LRRC4C: variants seen among roughly 807,000 people sequenced by gnomAD.
The protein encoded by LRRC4C is leucine-rich repeat-containing protein 4C.
Under a neutral mutation model 33.6 loss-of-function variants are expected in LRRC4C, and 5 were observed. The observed-to-expected ratio is 0.15, with a 90% CI of 0.08 to 0.31. The LOEUF is 0.31. Among genes scored for constraint, LRRC4C ranks in the 10% least tolerant of loss-of-function variants. The pLI, the probability that LRRC4C is intolerant of heterozygous loss-of-function variation, is 1.00. For missense variants in LRRC4C, 560 were observed against 796.7 expected (o/e 0.70, Z 3.58); for synonymous variants, 329 against 302.0 (o/e 1.09, Z -0.93).
chr11:40,963,409 T>C (rs1223638444), intron 1 of LRRC4C, among the ~76,000 whole-genome samples: 2 of 151,738 alleles, frequency 1.3e-5, no homozygotes, highest in East Asian at 3.9e-4. Flanking sequence ...CAACATGGGA[T>C]AAATTGTTTT....
At chr11:40,590,141 A>T (rs1472542365) in intron 3 of LRRC4C, among the ~76,000 whole-genome samples, 2 of 151,356 alleles carry the variant, frequency 1.3e-5, no homozygotes, top group African/African-American at 4.8e-5. Context: ...TGGTCTTTTC[A>T]CATAGTCCCA....
chr11:40,443,951 G>A (rs1951510688), intron 3 of LRRC4C, among the ~76,000 whole-genome samples: 1 of 151,994 alleles, frequency 6.6e-6, no homozygotes, highest in African/African-American at 2.4e-5. Flanking sequence ...TGTAAGTTAG[G>A]GAATTCACAT....
At chr11:41,168,298 C>G (rs1215357450) in intron 1 of LRRC4C, among the ~76,000 whole-genome samples, 1 of 152,152 alleles carries the variant, frequency 6.6e-6, no homozygotes, top group Non-Finnish European at 1.5e-5. Flanking sequence ...AGCTAAAGCA[C>G]AGAGTTTAAT....
chr11:40,985,315 A>T (rs1397752695), intron 1 of LRRC4C, among the ~76,000 whole-genome samples: 1 of 152,116 alleles, frequency 6.6e-6, no homozygotes, highest in Non-Finnish European at 1.5e-5. Flanking sequence ...TGAGTGACTG[A>T]AAGATACATT....
intron 3 of LRRC4C, among the ~76,000 whole-genome samples, chr11:40,451,079 T>A (rs1951861458): frequency 6.6e-6 from 1 of 151,494 alleles, no homozygotes. Context: ...TTTATACAAA[T>A]CTTTAAATCA....
chr11:40,505,047 C>T (rs1415641173), intron 3 of LRRC4C, among the ~76,000 whole-genome samples: 1 of 152,016 alleles, frequency 6.6e-6, no homozygotes, highest in Non-Finnish European at 1.5e-5. Context: ...TTTTTTTCTC[C>T]TTCATACTCT....
chr11:40,808,408 C>T (rs1393403857), intron 2 of LRRC4C, among the ~76,000 whole-genome samples: 1 of 152,154 alleles, frequency 6.6e-6, no homozygotes, highest in African/African-American at 2.4e-5. Flanking sequence ...ACCTATTACT[C>T]AAGTCAGCCA....
intron 3 of LRRC4C, among the ~76,000 whole-genome samples, chr11:40,520,357 G>A (rs1463366449): frequency 5.9e-5 from 9 of 152,028 alleles, no homozygotes; most frequent in Non-Finnish European, 1.0e-4. Flanking sequence ...TCTTCACTAA[G>A]TTTAATCATT....
intron 1 of LRRC4C, among the ~76,000 whole-genome samples, chr11:41,303,281 G>T (rs1339945948): frequency 7.0e-6 from 1 of 142,538 alleles, no homozygotes; most frequent in Non-Finnish European, 1.5e-5. Context: ...TGGAGACGGG[G>T]TTTCGCTGTG....
chr11:40,191,979 A>G (rs1861875640), intron 5 of LRRC4C, among the ~76,000 whole-genome samples: 1 of 152,084 alleles, frequency 6.6e-6, no homozygotes, highest in African/African-American at 2.4e-5. Context: ...AATAAATAAA[A>G]GTCTATAATT....
At chr11:40,998,747 C>T (rs1322350294) in intron 1 of LRRC4C, among the ~76,000 whole-genome samples, 1 of 152,108 alleles carries the variant, frequency 6.6e-6, no homozygotes, top group Admixed American at 6.6e-5. Context: ...AATTCATCAC[C>T]TGCTGCAGTA....
chr11:40,983,586 G>A (rs1852694319), intron 1 of LRRC4C, among the ~76,000 whole-genome samples: 1 of 152,058 alleles, frequency 6.6e-6, no homozygotes, highest in African/African-American at 2.4e-5. Flanking sequence ...AAAATTTTTT[G>A]CAAACTATGC....
intron 5 of LRRC4C, among the ~76,000 whole-genome samples, chr11:40,185,550 G>A (rs940781787): frequency 7.2e-5 from 11 of 152,162 alleles, no homozygotes; most frequent in Non-Finnish European, 1.5e-4. Context: ...AATTTAGTGA[G>A]AAGCATGAGA....
intron 2 of LRRC4C, among the ~76,000 whole-genome samples, chr11:40,777,564 C>G (rs1328548550): frequency 6.7e-6 from 1 of 149,954 alleles, no homozygotes; most frequent in East Asian, 2.0e-4. Flanking sequence ...GTGGCCCTTC[C>G]TCTTTTTTGT....
In LRRC4C at chr11:40,724,463, C is replaced by T. The variant is rs147635085; in HGVS notation, c.-406-76185G>A. Among the ~76,000 whole-genome samples the T allele has an allele frequency of 1.3e-3, 201 of 152,240 alleles. 1 individual carries two copies. The highest frequency in any genetic ancestry group is 2.3e-3 in the Admixed American group (35 of 15,286). ...TAAATACCAAGAGGAACTCTCAAAACCACACAACTGCATGAAATCTAAACA... is the reference window on the plus strand; with the variant it reads ...TAAATACCAAGAGGAACTCTCAAAATCACACAACTGCATGAAATCTAAACA... On this transcript the variant is annotated intron_variant, in intron 2 of 6. Coordinates refer to ENST00000528697, the MANE Select transcript of LRRC4C (RefSeq NM_001258419.2).
intron 2 of LRRC4C, among the ~76,000 whole-genome samples, chr11:40,690,031 C>T (rs747722430): frequency 2.6e-5 from 4 of 151,988 alleles, no homozygotes; most frequent in East Asian, 3.9e-4. Flanking sequence ...ATTTGAAGGA[C>T]GAGAGGGCAC....
At chr11:40,531,934 G>A (rs1324791933) in intron 3 of LRRC4C, among the ~76,000 whole-genome samples, 1 of 149,774 alleles carries the variant, frequency 6.7e-6, no homozygotes, top group Non-Finnish European at 1.5e-5. Flanking sequence ...TTTTGATATA[G>A]GAATGACGTA....
chr11:41,200,887 G>A (rs897068634), intron 1 of LRRC4C, among the ~76,000 whole-genome samples: 25 of 152,196 alleles, frequency 1.6e-4, no homozygotes, highest in African/African-American at 5.8e-4. Context: ...ACTCAGCTGG[G>A]AAGTCAGTCC....
chr11:40,209,935 A>G (rs191770088), intron 5 of LRRC4C, among the ~76,000 whole-genome samples: 1 of 152,318 alleles, frequency 6.6e-6, no homozygotes, highest in Admixed American at 6.5e-5. Flanking sequence ...ACTTTGCTAG[A>G]GAAGGAAGGA....
Sources: allele counts gnomAD v4.1 joint callset (sites outside exome capture counted in the v4.1 genomes callset), GRCh38; gene constraint gnomAD v4.1.1; transcripts MANE v1.5; gene names NCBI Gene and HGNC (gene_info 2026-07-23, HGNC 2026-07-21).